Variants in C3orf70 observed in about 807,000 individuals in gnomAD.
C3orf70 encodes chromosome 3 open reading frame 70.
C3orf70 carries 15 observed loss-of-function variants against 20.7 expected under a neutral mutation model. That is an observed-to-expected ratio of 0.72 (90% CI 0.48 to 1.11). C3orf70 has a LOEUF of 1.11. C3orf70 is among the 50% of genes most tolerant of loss of function. The pLI is 0.00. For synonymous variants in C3orf70, 161 were observed against 125.7 expected (o/e 1.28, Z -1.88); for missense variants, 332 against 317.6 (o/e 1.05, Z -0.34).
intron 1 of C3orf70, among the ~76,000 whole-genome samples, chr3:185,136,825 G>A (rs1030600378): frequency 5.9e-5 from 9 of 151,882 alleles, no homozygotes; most frequent in African/African-American, 9.7e-5. Flanking sequence ...CAGGAGAATC[G>A]CCTGAACCCA....
chr3:185,138,002 AAGAC>A (rs1716662041), intron 1 of C3orf70, among the ~76,000 whole-genome samples: 1 of 152,314 alleles, frequency 6.6e-6, no homozygotes, highest in South Asian at 2.1e-4. Flanking sequence ...AACCTCTAAC[AAGAC>A]AGACAAAGAA....
At chr3:185,106,479 G>C (rs1236604611) in intron 1 of C3orf70, among the ~76,000 whole-genome samples, 1 of 152,200 alleles carries the variant, frequency 6.6e-6, no homozygotes, top group African/African-American at 2.4e-5. Flanking sequence ...CAGGCCGCCA[G>C]TTGAGGGAAA....
At chr3:185,107,401 T>C (rs899479267) in intron 1 of C3orf70, among the ~76,000 whole-genome samples, 2 of 152,164 alleles carry the variant, frequency 1.3e-5, no homozygotes, top group Non-Finnish European at 2.9e-5. Context: ...AGGCAACATA[T>C]GATGCGTGAA....
At chr3:185,096,396 T>C (rs1470213123) in intron 1 of C3orf70, among the ~76,000 whole-genome samples, 1 of 152,152 alleles carries the variant, frequency 6.6e-6, no homozygotes, top group Non-Finnish European at 1.5e-5. Flanking sequence ...AATAGTTGGG[T>C]TGTAAAATCT....
chr3:185,121,967 T>C (rs890093402), intron 1 of C3orf70, among the ~76,000 whole-genome samples: 111 of 151,748 alleles, frequency 7.3e-4, no homozygotes, highest in African/African-American at 2.7e-3. Flanking sequence ...GGCATGGTGG[T>C]GGGTGCCTGT....
chr3:185,119,588 T>C (rs1450075692), intron 1 of C3orf70, among the ~76,000 whole-genome samples: 1 of 152,154 alleles, frequency 6.6e-6, no homozygotes, highest in African/African-American at 2.4e-5. Context: ...GAAAATGAAC[T>C]GAAAAGGCAT....
Position 185,095,786 on chromosome 3 carries a change from G to A in C3orf70, c.197-12223C>T, listed in dbSNP as rs1338565940. Among the ~76,000 whole-genome samples the A allele has an allele frequency of 4.0e-5, 6 of 148,158 alleles. 1 individual carries two copies. The highest frequency in any genetic ancestry group is 1.5e-4 in the African/African-American group (6 of 40,070). Reference sequence around the variant, plus strand: ...GGAGTCTTGCTCTGTCACCAGGCTGGAGTGCAGTGGCACGATCTCGGCTCA... The same window carrying A: ...GGAGTCTTGCTCTGTCACCAGGCTGAAGTGCAGTGGCACGATCTCGGCTCA... On this transcript the variant is annotated intron_variant, in intron 1 of 1. Transcript: ENST00000335012.
intron 1 of C3orf70, among the ~76,000 whole-genome samples, chr3:185,109,251 A>AC (rs1553920393): frequency 6.6e-6 from 1 of 152,230 alleles, no homozygotes; most frequent in Non-Finnish European, 1.5e-5. Flanking sequence ...AGCTGCAAAG[A>AC]CAGAAGCAAA....
At position 185,127,411 on chromosome 3, in the gene C3orf70, C is replaced by A. The variant is rs567064895; in HGVS notation, c.196+25217G>T. On this transcript the variant is annotated intron_variant, in intron 1 of 1. Coordinates refer to ENST00000335012, the MANE Select transcript of C3orf70 (RefSeq NM_001025266.3). ...GTATAGATTAGCTTGAAGAAAGGAA[C>A]TAAGACCTAGACATTCATTCTTTTT... is the stretch of plus-strand genomic sequence containing the variant. Among the ~76,000 whole-genome samples the A allele has an allele frequency of 2.3e-3, 348 of 152,196 alleles. 3 individuals are homozygous for A. Among genetic ancestry groups the A allele is most frequent in the African/African-American group, 7.9e-3 (327 of 41,546 alleles).
In C3orf70 at chr3:185,152,606, G is replaced by T. The variant is rs1228441119; in HGVS notation, c.196+22C>A. On this transcript the variant is annotated intron_variant, in intron 1 of 1. Coordinates refer to ENST00000335012, the MANE Select transcript of C3orf70 (RefSeq NM_001025266.3). ...CGTCCCCCGGACCGCGGCGGAAGGCGGGAAGACGCGGCTCGACTTACAGTG... is the reference window on the plus strand; with the variant it reads ...CGTCCCCCGGACCGCGGCGGAAGGCTGGAAGACGCGGCTCGACTTACAGTG... 5 of 1,531,236 alleles carry T rather than the reference G, an allele frequency of 3.3e-6. No individual in the cohort carries two copies. In the South Asian group the frequency reaches 3.6e-5, roughly 11 times the overall value. The allele number at this position is 1,531,236 out of a possible 1,614,324, so 94.9% of individuals were successfully genotyped here. A position where few individuals can be genotyped will look rare whatever the true frequency, so the allele number is the denominator to read the frequency against.
At chr3:185,139,156 G>GAAGGAGGAGGAGGAAGGAGGAGCAGA (rs780591928) in intron 1 of C3orf70, among the ~76,000 whole-genome samples, 7,988 of 149,186 alleles carry the variant, frequency 0.054, 238 homozygotes, top group South Asian at 0.081. Context: ...GGAGGAGGAG[G>GAAGGAGGAGGAGGAAGGAGGAGCAGA]AAGGAGGAGC....
At chr3:185,140,855 C>A (rs779059774) in intron 1 of C3orf70, among the ~76,000 whole-genome samples, 46 of 150,464 alleles carry the variant, frequency 3.1e-4, no homozygotes, top group Non-Finnish European at 6.2e-4. Context: ...GTAATCCCAG[C>A]TACTTGGGAG....
At chr3:185,088,107 C>A (rs534244819) in intron 1 of C3orf70, among the ~76,000 whole-genome samples, 30 of 152,168 alleles carry the variant, frequency 2.0e-4, no homozygotes, top group Middle Eastern at 3.4e-3. Context: ...GACGGAGTTT[C>A]TTCACATTAG....
intron 1 of C3orf70, among the ~76,000 whole-genome samples, chr3:185,151,313 G>T (rs1367628043): frequency 6.6e-6 from 1 of 152,118 alleles, no homozygotes; most frequent in Non-Finnish European, 1.5e-5. Flanking sequence ...TTTACACAAC[G>T]ATTCTATACT....
At chr3:185,142,530 A>T (rs1408265061) in intron 1 of C3orf70, among the ~76,000 whole-genome samples, 3 of 152,234 alleles carry the variant, frequency 2.0e-5, no homozygotes, top group Non-Finnish European at 4.4e-5. Context: ...GGTAGAAGGA[A>T]TGACAAAATT....
chr3:185,153,039 G>C lies in C3orf70; in HGVS notation c.-216C>G, dbSNP rs1319801781. Reference sequence around the variant, plus strand: ...CCGGGCTGGCAGCCTCCCTCCCTCCGGCGCGGCGCGCGCCGCGCCCCACGC... The same window carrying C: ...CCGGGCTGGCAGCCTCCCTCCCTCCCGCGCGGCGCGCGCCGCGCCCCACGC... On this transcript the variant is annotated 5_prime_UTR_variant, in exon 1 of 2. Coordinates refer to ENST00000335012, the MANE Select transcript of C3orf70 (RefSeq NM_001025266.3). This position sits in a 1 kb window ranked among gnomAD's most constrained non-coding sequence, Gnocchi z 6.8. The C allele has an allele frequency of 2.5e-5, 4 of 160,604 alleles. No homozygotes were observed. Among genetic ancestry groups the C allele is most frequent in the Admixed American group, 6.6e-5 (1 of 15,246 alleles). The allele number at this position is 160,604 out of a possible 1,614,324, so 9.9% of individuals were successfully genotyped here.
In C3orf70 at chr3:185,080,637, T is replaced by G. The variant is rs1384496797; in HGVS notation, c.*2370A>C. On this transcript the variant is annotated 3_prime_UTR_variant, in exon 2 of 2. Transcript: ENST00000335012. ...CTGAGTGCGTGATGCATGACTGCAC[T>G]GCTGTGGCCTGACACACGGCTTGCA... The G allele has an allele frequency of 2.0e-5, 3 of 152,452 alleles. No individual in the cohort carries two copies. Among genetic ancestry groups the G allele is most frequent in the Non-Finnish European group, 4.4e-5 (3 of 68,064 alleles). The allele number at this position is 152,452 out of a possible 1,614,324, so 9.4% of individuals were successfully genotyped here. A position where few individuals can be genotyped will look rare whatever the true frequency, so the allele number is the denominator to read the frequency against.
At chr3:185,150,423 CAA>C (rs1716968453) in intron 1 of C3orf70, among the ~76,000 whole-genome samples, 1 of 152,026 alleles carries the variant, frequency 6.6e-6, no homozygotes, top group Non-Finnish European at 1.5e-5. Context: ...CACACACACA[CAA>C]AATTAGGCTC....
rs550009037 is a variant in C3orf70, at chr3:185,152,960, G to A, written c.-137C>T. 1.1e-4 allele frequency: 71 copies of A among 669,340 alleles called. No individual in the cohort carries two copies. In the East Asian group the frequency reaches 2.4e-3, roughly 22 times the overall value. The allele number at this position is 669,340 out of a possible 1,614,324, so 41.5% of individuals were successfully genotyped here. A position where few individuals can be genotyped will look rare whatever the true frequency, so the allele number is the denominator to read the frequency against. Reference sequence around the variant, plus strand: ...TCACGCCAGCACGCGGCGGCGGCGGGAGCGCGGCGGTCCCAGGCTCGAGGA... The same window carrying A: ...TCACGCCAGCACGCGGCGGCGGCGGAAGCGCGGCGGTCCCAGGCTCGAGGA... On this transcript the variant is annotated 5_prime_UTR_variant, in exon 1 of 2. Coordinates refer to ENST00000335012, the MANE Select transcript of C3orf70 (RefSeq NM_001025266.3).
Sources: gnomAD v4.1 joint callset for allele counts (sites outside exome capture counted in the v4.1 genomes callset) on GRCh38, gnomAD v4.1.1 for gene constraint, Gnocchi (gnomAD v3.1) non-coding constraint, MANE v1.5 for transcripts, NCBI Gene and HGNC (gene_info 2026-07-23, HGNC 2026-07-21) for gene names.